The following TNKS variants were observed in gnomAD, a reference collection of about 807,000 sequenced individuals.
TNKS encodes the protein poly [ADP-ribose] polymerase tankyrase-1.
Under a neutral mutation model 135.8 loss-of-function variants are expected in TNKS, and 72 were observed. That is an observed-to-expected ratio of 0.53 (90% confidence interval 0.44 to 0.64). The LOEUF is 0.64. Among genes scored for constraint, TNKS ranks in the 30% least tolerant of loss-of-function variants. The pLI is 0.00. For synonymous variants in TNKS, 849 were observed against 649.3 expected, an observed-to-expected ratio of 1.31 and a Z score of -4.68; for missense variants, 1,769 against 1,674.0, an observed-to-expected ratio of 1.06 and a Z score of -0.99.
chr8:9,659,974 C>G (rs1354038879), intron 3 of TNKS, among the ~76,000 whole-genome samples: 3 of 152,168 alleles, frequency 2.0e-5, no homozygotes, highest in African/African-American at 7.2e-5. Flanking sequence ...TGCAAATAAA[C>G]TAGAAAATCT....
intron 11 of TNKS, among the ~76,000 whole-genome samples, chr8:9,710,889 C>T (rs1050525089): frequency 6.6e-6 from 1 of 151,744 alleles, no homozygotes; most frequent in Non-Finnish European, 1.5e-5. Context: ...GAGTGAGAAT[C>T]TGTCTCAAAA....
At chr8:9,746,866 T>C (rs2128825736) in intron 17 of TNKS, among the ~76,000 whole-genome samples, 1 of 149,986 alleles carries the variant, frequency 6.7e-6, no homozygotes, top group Middle Eastern at 3.4e-3. Flanking sequence ...TCTGAGAGTT[T>C]CATACCTACT....
intron 2 of TNKS, among the ~76,000 whole-genome samples, chr8:9,603,766 G>A (rs1799108987): frequency 6.6e-6 from 1 of 152,144 alleles, no homozygotes; most frequent in Non-Finnish European, 1.5e-5. Flanking sequence ...ATACCATTGT[G>A]CATCAAAGAA....
intron 2 of TNKS, among the ~76,000 whole-genome samples, chr8:9,586,970 T>C (rs1274668910): frequency 6.6e-6 from 1 of 152,132 alleles, no homozygotes. Flanking sequence ...CATATACATA[T>C]AATGTTATGC....
intron 1 of TNKS, chr8:9,558,724 G>A (rs1168614149): frequency 6.6e-6 from 1 of 152,102 alleles, no homozygotes; most frequent in Non-Finnish European, 1.5e-5. Flanking sequence ...AAACAGTACC[G>A]TAATTATGTT....
chr8:9,634,976 G>C (rs1800453099), intron 3 of TNKS, among the ~76,000 whole-genome samples: 1 of 151,562 alleles, frequency 6.6e-6, no homozygotes, highest in African/African-American at 2.4e-5. Flanking sequence ...AGGAGATCGA[G>C]ACCACGGTGA....
chr8:9,650,930 T>A (rs1801125798), intron 3 of TNKS, among the ~76,000 whole-genome samples: 1 of 152,234 alleles, frequency 6.6e-6, no homozygotes, highest in African/African-American at 2.4e-5. Flanking sequence ...TGTTATTTTC[T>A]AGAATTTCTG....
Position 9,556,731 on chromosome 8 carries a change from A to G in TNKS, c.673+119A>G, listed in dbSNP as rs879155954. ...GGGGGCGTGGTTATGGTTCTTCATC[A>G]CCTCACCAGAAGACTGGAGGTTCCT... On this transcript the variant is annotated intron_variant, in intron 1 of 26. Coordinates refer to ENST00000310430, the MANE Select transcript of TNKS (RefSeq NM_003747.3). 5.5e-6 allele frequency: 6 copies of G among 1,098,266 alleles called. No homozygotes were observed. In the South Asian group the frequency reaches 7.1e-5, roughly 13 times the overall value. The allele number at this position is 1,098,266 out of a possible 1,614,324, so 68.0% of individuals were successfully genotyped here. A position where few individuals can be genotyped will look rare whatever the true frequency, so the allele number is the denominator to read the frequency against.
chr8:9,572,232 T>C (rs1797781883), intron 1 of TNKS, among the ~76,000 whole-genome samples: 1 of 152,220 alleles, frequency 6.6e-6, no homozygotes, highest in African/African-American at 2.4e-5. Context: ...AAGTTAGCTA[T>C]ATATGAAATT....
chr8:9,610,436 G>C (rs781776648), intron 2 of TNKS, among the ~76,000 whole-genome samples: 2 of 151,668 alleles, frequency 1.3e-5, no homozygotes, highest in Non-Finnish European at 2.9e-5. Flanking sequence ...TGTTTGTGTA[G>C]AAGAAATAGT....
At chr8:9,626,688 G>A (rs1384474642) in intron 3 of TNKS, among the ~76,000 whole-genome samples, 1 of 152,162 alleles carries the variant, frequency 6.6e-6, no homozygotes, top group Non-Finnish European at 1.5e-5. Context: ...GAAGGACACT[G>A]CCACCTTACA....
rs1175467522 is a variant in TNKS, at chr8:9,659,590, G to A, written c.995-20361G>A. ...CTCTGGGACACACTCAAAGCAGTGT[G>A]TAGAGGGAAATTTATAGCACTAAAT... On this transcript the variant is annotated intron_variant, in intron 3 of 26. Coordinates refer to ENST00000310430, the MANE Select transcript of TNKS (RefSeq NM_003747.3). 2.0e-5 allele frequency among the ~76,000 whole-genome samples: 3 copies of A among 152,146 alleles called. No homozygotes were observed. The East Asian group carries it at 5.8e-4, about 29-fold the overall frequency.
intron 1 of TNKS, among the ~76,000 whole-genome samples, chr8:9,567,635 T>C (rs968826154): frequency 1.3e-5 from 2 of 152,182 alleles, no homozygotes; most frequent in Non-Finnish European, 2.9e-5. Context: ...GCGAGGATGG[T>C]CTCGTTCTCC....
At chr8:9,701,411 C>G (rs1348534560) in intron 5 of TNKS, among the ~76,000 whole-genome samples, 2 of 152,084 alleles carry the variant, frequency 1.3e-5, no homozygotes, top group Admixed American at 6.5e-5. Context: ...AGATGTGACC[C>G]TTTTTATGTA....
At position 9,626,482 on chromosome 8, in the gene TNKS, A is replaced by G. The variant is rs141362974; in HGVS notation, c.994+10805A>G. ...TTTATGATAATTTATTGCAGTAGCA[A>G]TAGGAAACTAGTACAGTATCTATTG... On this transcript the variant is annotated intron_variant, in intron 3 of 26. Transcript: ENST00000310430. Among the ~76,000 whole-genome samples the G allele has an allele frequency of 2.9e-3, 440 of 152,356 alleles. 4 individuals are homozygous for G. Among genetic ancestry groups the G allele is most frequent in the African/African-American group, 9.8e-3 (408 of 41,576 alleles).
chr8:9,765,965 AC>A (rs1307314987), intron 24 of TNKS, among the ~76,000 whole-genome samples, 168 bp downstream of exon 24: 1 of 152,222 alleles, frequency 6.6e-6, no homozygotes, highest in Non-Finnish European at 1.5e-5. Flanking sequence ...AATGTATCAC[AC>A]ATCAGTACAG....
intron 3 of TNKS, among the ~76,000 whole-genome samples, chr8:9,615,883 T>C (rs1251301747): frequency 2.6e-5 from 4 of 152,260 alleles, no homozygotes; most frequent in Non-Finnish European, 5.9e-5. Flanking sequence ...GTTGGTCTAC[T>C]TAGAATGATA....
intron 3 of TNKS, among the ~76,000 whole-genome samples, chr8:9,651,917 T>G (rs970387062): frequency 6.6e-6 from 1 of 152,114 alleles, no homozygotes; most frequent in Non-Finnish European, 1.5e-5. Flanking sequence ...TTCACTCGAG[T>G]TTCATAAGGA....
intron 5 of TNKS, among the ~76,000 whole-genome samples, chr8:9,696,359 G>A (rs1368208769): frequency 1.3e-5 from 2 of 152,046 alleles, no homozygotes; most frequent in Non-Finnish European, 2.9e-5. Flanking sequence ...AGTGATCATC[G>A]ATACCAAATA....
Sources: gnomAD v4.1 joint callset for allele counts (sites outside exome capture counted in the v4.1 genomes callset) on GRCh38, gnomAD v4.1.1 for gene constraint, MANE v1.5 for transcripts, NCBI Gene and HGNC (gene_info 2026-07-23, HGNC 2026-07-21) for gene names.